Variants in ADK observed in about 807,000 individuals in gnomAD.
ADK encodes adenosine kinase.
ADK carries 24 observed loss-of-function variants against 44.7 expected under a neutral mutation model. The observed-to-expected ratio is 0.54, with a 90% confidence interval of 0.39 to 0.76. The LOEUF (loss-of-function observed/expected upper bound fraction) is 0.76. Ranked by LOEUF, ADK falls within the 30% of genes least tolerant of loss-of-function variation. ADK has a pLI of 0.00. For missense variants in ADK, 321 were observed against 425.1 expected, an observed-to-expected ratio of 0.76 and a Z score of 2.15; for synonymous variants, 128 against 142.6, an observed-to-expected ratio of 0.90 and a Z score of 0.73.
chr10:74,696,268 GC>G (rs1856198610), intron 10 of ADK, among the ~76,000 whole-genome samples: 1 of 151,248 alleles, frequency 6.6e-6, no homozygotes, highest in Non-Finnish European at 1.5e-5. Flanking sequence ...TGATCCACCA[GC>G]CTCGGCCTCC....
At chr10:74,473,067 G>A (rs950054887) in intron 6 of ADK, among the ~76,000 whole-genome samples, 6 of 151,858 alleles carry the variant, frequency 4.0e-5, no homozygotes, top group African/African-American at 1.5e-4. Context: ...ATGGCTCACC[G>A]CAACCTTGAA....
intron 6 of ADK, among the ~76,000 whole-genome samples, chr10:74,438,209 G>C (rs538957534): frequency 6.6e-6 from 1 of 150,824 alleles, no homozygotes; most frequent in East Asian, 1.9e-4. Context: ...TAATAAGAAG[G>C]TAAGGTCCTT....
intron 6 of ADK, among the ~76,000 whole-genome samples, chr10:74,462,244 T>C (rs1327830031): frequency 4.6e-5 from 7 of 152,138 alleles, no homozygotes; most frequent in Middle Eastern, 3.4e-3. Flanking sequence ...TTTCTCTGAA[T>C]TATTGACCTA....
At chr10:74,173,055 G>A (rs955447169) in intron 1 of ADK, among the ~76,000 whole-genome samples, 1 of 151,122 alleles carries the variant, frequency 6.6e-6, no homozygotes, top group East Asian at 1.9e-4. Context: ...AAAAAATAAA[G>A]TTTTAAGACT....
chr10:74,454,997 A>C (rs1845893776), intron 6 of ADK, among the ~76,000 whole-genome samples: 1 of 152,200 alleles, frequency 6.6e-6, no homozygotes, highest in South Asian at 2.1e-4. Flanking sequence ...GGACAGTCAG[A>C]GAGACCTTCC....
At chr10:74,521,535 G>T (rs543718659) in intron 6 of ADK, among the ~76,000 whole-genome samples, 110 of 152,284 alleles carry the variant, frequency 7.2e-4, no homozygotes, top group Non-Finnish European at 1.3e-3. Context: ...TACTATTTAT[G>T]TAGACCATTC....
At chr10:74,485,706 T>A (rs1847243639) in intron 6 of ADK, among the ~76,000 whole-genome samples, 1 of 152,062 alleles carries the variant, frequency 6.6e-6, no homozygotes, top group South Asian at 2.1e-4. Flanking sequence ...ATATCCAATA[T>A]CTAGAACTTA....
chr10:74,158,847 G>C (rs1224925210), intron 1 of ADK, among the ~76,000 whole-genome samples: 2 of 152,118 alleles, frequency 1.3e-5, no homozygotes, highest in Non-Finnish European at 2.9e-5. Context: ...TTTTTGGCTA[G>C]CTCTACTGTA....
chr10:74,435,655 C>A (rs1404261038), intron 6 of ADK, among the ~76,000 whole-genome samples: 8 of 151,972 alleles, frequency 5.3e-5, no homozygotes, highest in Non-Finnish European at 1.2e-4. Context: ...GACTATTTGA[C>A]AAGGACAAAA....
chr10:74,562,904 T>TA (rs1850510959), intron 7 of ADK, among the ~76,000 whole-genome samples: 2 of 151,072 alleles, frequency 1.3e-5, no homozygotes, highest in African/African-American at 2.5e-5. Context: ...AATCAACAAA[T>TA]ACCATTTTTT....
intron 10 of ADK, among the ~76,000 whole-genome samples, chr10:74,700,587 G>A (rs916995083): frequency 1.3e-5 from 2 of 151,062 alleles, no homozygotes; most frequent in Non-Finnish European, 2.9e-5. Context: ...GTGTAAGAGA[G>A]CATATATAGT....
chr10:74,438,157 C>T (rs1845250162), intron 6 of ADK, among the ~76,000 whole-genome samples: 1 of 152,096 alleles, frequency 6.6e-6, no homozygotes, highest in Non-Finnish European at 1.5e-5. Context: ...GCAGTTATCT[C>T]CATTTGTAAT....
chr10:74,326,990 T>G (rs906357618), intron 4 of ADK, among the ~76,000 whole-genome samples: 2 of 151,994 alleles, frequency 1.3e-5, no homozygotes, highest in African/African-American at 4.8e-5. Flanking sequence ...ACCTAATTCT[T>G]TGTTGTATTT....
intron 4 of ADK, among the ~76,000 whole-genome samples, chr10:74,318,257 G>T (rs552650253): frequency 6.6e-6 from 1 of 152,036 alleles, no homozygotes; most frequent in Non-Finnish European, 1.5e-5. Flanking sequence ...GAACTGCTGC[G>T]CTCACAGGGT....
intron 9 of ADK, among the ~76,000 whole-genome samples, chr10:74,621,799 A>G (rs1400373544): frequency 6.6e-6 from 1 of 152,136 alleles, no homozygotes; most frequent in Non-Finnish European, 1.5e-5. Context: ...GTTAGTGTAG[A>G]GTCCAATTAG....
chr10:74,434,047 C>T (rs1021064296), intron 6 of ADK, among the ~76,000 whole-genome samples: 1 of 151,996 alleles, frequency 6.6e-6, no homozygotes, highest in African/African-American at 2.4e-5. Context: ...GTAGAGGTTA[C>T]CCTTTTACAT....
At chr10:74,541,539 T>A (rs1849625900) in intron 7 of ADK, among the ~76,000 whole-genome samples, 1 of 152,160 alleles carries the variant, frequency 6.6e-6, no homozygotes, top group Non-Finnish European at 1.5e-5. Context: ...TTTTGTAGAA[T>A]GCCCTTCAGT....
intron 9 of ADK, among the ~76,000 whole-genome samples, chr10:74,645,498 G>A (rs1854024658): frequency 6.6e-6 from 1 of 151,988 alleles, no homozygotes; most frequent in Non-Finnish European, 1.5e-5. Context: ...TTTGTGAAAG[G>A]GAGAAAGGTG....
chr10:74,434,276 T>A (rs923975282), intron 6 of ADK, among the ~76,000 whole-genome samples: 1 of 152,196 alleles, frequency 6.6e-6, no homozygotes, highest in Non-Finnish European at 1.5e-5. Context: ...TGGATTTTGA[T>A]TACACCACTG....
Sources: allele counts gnomAD v4.1 joint callset (sites outside exome capture counted in the v4.1 genomes callset), GRCh38; gene constraint gnomAD v4.1.1; transcripts MANE v1.5; gene names NCBI Gene and HGNC (gene_info 2026-07-23, HGNC 2026-07-21).